Variants in DOK5 observed in about 807,000 individuals in gnomAD.
The protein encoded by DOK5 is docking protein 5.
DOK5 carries 27 observed loss-of-function variants against 43.3 expected under a neutral mutation model. That is an observed-to-expected ratio of 0.62 (90% CI 0.46 to 0.86). DOK5 has a LOEUF of 0.86. Ranked by LOEUF, DOK5 falls within the 40% of genes least tolerant of loss-of-function variation. The pLI is 0.00. For synonymous variants in DOK5, 146 were observed against 140.1 expected (o/e 1.04, Z -0.30); for missense variants, 373 against 392.9 (o/e 0.95, Z 0.43).
intron 6 of DOK5, among the ~76,000 whole-genome samples, chr20:54,639,399 C>G (rs910086462): frequency 2.0e-5 from 3 of 152,196 alleles, no homozygotes; most frequent in African/African-American, 7.2e-5. Flanking sequence ...TCCAGTCTAG[C>G]TGGGCTGTGC....
intron 1 of DOK5, among the ~76,000 whole-genome samples, chr20:54,506,136 T>A (rs6023319): frequency 0.033 from 4,995 of 151,580 alleles, 277 homozygotes; most frequent in African/African-American, 0.11. Context: ...AAACAGAGAG[T>A]TGAGAATTCC....
intron 1 of DOK5, among the ~76,000 whole-genome samples, chr20:54,543,325 T>TG (rs1466884323): frequency 5.4e-4 from 4 of 7,446 alleles, no homozygotes; most frequent in African/African-American, 2.4e-3. Context: ...TCGTGGACAG[T>TG]GGGGGGTGGG....
intron 1 of DOK5, among the ~76,000 whole-genome samples, chr20:54,486,575 A>G (rs566846044): frequency 1.3e-5 from 2 of 151,696 alleles, no homozygotes; most frequent in South Asian, 2.1e-4. Flanking sequence ...ACACATGCAC[A>G]CACACACACA....
chr20:54,506,756 T>G (rs548286431), intron 1 of DOK5, among the ~76,000 whole-genome samples: 2 of 152,340 alleles, frequency 1.3e-5, no homozygotes, highest in South Asian at 4.1e-4. Context: ...CCACTGCTCC[T>G]GGCTTGATAA....
At chr20:54,518,831 C>G (rs2146694461) in intron 1 of DOK5, among the ~76,000 whole-genome samples, 1 of 152,074 alleles carries the variant, frequency 6.6e-6, no homozygotes, top group East Asian at 1.9e-4. Flanking sequence ...TATCCAGAAT[C>G]TACAATGAAC....
At chr20:54,612,073 T>C (rs372119573) in intron 6 of DOK5, among the ~76,000 whole-genome samples, 1 of 152,258 alleles carries the variant, frequency 6.6e-6, no homozygotes, top group African/African-American at 2.4e-5. Flanking sequence ...TTAATGGACA[T>C]TGAGATACAA....
Position 54,650,475 on chromosome 20 carries a change from A to C in DOK5, c.917A>C (p.His306Pro), listed in dbSNP as rs745734024. 2 of 1,613,922 alleles carry C rather than the reference A, an allele frequency of 1.2e-6. No individual in the cohort carries two copies. The change falls in exon 8 of 8, where the codon CAC (histidine) becomes CCC (proline). Residue 306 changes from histidine (H) to proline (P), a missense_variant. Coordinates refer to ENST00000262593, the MANE Select transcript of DOK5 (RefSeq NM_018431.5). The part of the protein sequence containing the change: ...TETFPAYRSE[H>P] ...ACTTTTCCAGCCTACAGATCTGAGC[A>C]CTGACAGTAACTGCCAAGAATTGTT...
intron 1 of DOK5, among the ~76,000 whole-genome samples, chr20:54,541,662 C>A (rs1376107236): frequency 6.6e-6 from 1 of 152,078 alleles, no homozygotes; most frequent in Admixed American, 6.5e-5. Context: ...GTCTAGAACT[C>A]CTGACCTCAA....
intron 7 of DOK5, among the ~76,000 whole-genome samples, chr20:54,649,479 C>T (rs755813328): frequency 6.6e-6 from 1 of 152,180 alleles, no homozygotes; most frequent in Non-Finnish European, 1.5e-5. Context: ...GGCGGACATG[C>T]TCCACTGGCT....
intron 1 of DOK5, among the ~76,000 whole-genome samples, chr20:54,537,601 T>C (rs764429744): frequency 2.6e-5 from 4 of 152,016 alleles, no homozygotes; most frequent in African/African-American, 7.2e-5. Flanking sequence ...ACAGGCAAAA[T>C]AGACCGATAG....
chr20:54,630,110 G>T (rs1389609047), intron 6 of DOK5, among the ~76,000 whole-genome samples: 2 of 152,178 alleles, frequency 1.3e-5, no homozygotes, highest in Non-Finnish European at 2.9e-5. Flanking sequence ...GTTTGGAAAC[G>T]ACTGGGGGTG....
rs386394048 is a variant in DOK5, at chr20:54,646,248, G to GTTTTTTTTT, written c.856+2686_856+2694dup. Reference sequence around the variant, plus strand: ...TACTGTTATATCCACTGGTTATACTGTTTTTTTTTTTTTTTTTTTTTTTTG... The same window carrying GTTTTTTTTT: ...TACTGTTATATCCACTGGTTATACTGTTTTTTTTTTTTTTTTTTTTTTTTTTTTTTTTTG... On this transcript the variant is annotated intron_variant, in intron 7 of 7. Transcript: ENST00000262593. Among the ~76,000 whole-genome samples, 62 of 79,928 alleles carry GTTTTTTTTT rather than the reference G, an allele frequency of 7.8e-4. 6 individuals are homozygous for GTTTTTTTTT. Among genetic ancestry groups the GTTTTTTTTT allele is most frequent in the Admixed American group, 1.0e-3 (5 of 5,016 alleles). The allele number at this position is 79,928 out of a possible 152,430, so 52.4% of individuals were successfully genotyped here.
At chr20:54,527,604 T>A (rs1034494676) in intron 1 of DOK5, among the ~76,000 whole-genome samples, 9 of 152,150 alleles carry the variant, frequency 5.9e-5, no homozygotes, top group Non-Finnish European at 1.0e-4. Context: ...GTTGCTTCCT[T>A]AAGAATAAAG....
At chr20:54,616,935 G>A (rs941533312) in intron 6 of DOK5, among the ~76,000 whole-genome samples, 5 of 151,678 alleles carry the variant, frequency 3.3e-5, no homozygotes, top group African/African-American at 4.8e-5. Context: ...GACTACAGGC[G>A]CCTGCCACCA....
intron 2 of DOK5, among the ~76,000 whole-genome samples, chr20:54,584,125 C>T (rs1388668448): frequency 1.3e-5 from 2 of 151,926 alleles, no homozygotes; most frequent in African/African-American, 4.8e-5. Context: ...GCCTGGGTGA[C>T]AGAGTGAGCC....
chr20:54,550,280 T>C (rs983930487), intron 1 of DOK5, among the ~76,000 whole-genome samples: 1 of 152,204 alleles, frequency 6.6e-6, no homozygotes, highest in African/African-American at 2.4e-5. Context: ...CATCTTACTG[T>C]CTTTTTAAAA....
intron 1 of DOK5, among the ~76,000 whole-genome samples, chr20:54,491,674 A>AGGGT (rs1982183288): frequency 6.6e-6 from 1 of 152,198 alleles, no homozygotes; most frequent in South Asian, 2.1e-4. Flanking sequence ...CTGCACAGGA[A>AGGGT]GGGTGACTGT....
At chr20:54,529,945 G>C (rs766683996) in intron 1 of DOK5, among the ~76,000 whole-genome samples, 3 of 152,192 alleles carry the variant, frequency 2.0e-5, no homozygotes, top group African/African-American at 4.8e-5. Flanking sequence ...TGTGTGGATA[G>C]ACCACATTTT....
chr20:54,479,944 A>G (rs1361065678), intron 1 of DOK5, among the ~76,000 whole-genome samples: 1 of 151,954 alleles, frequency 6.6e-6, no homozygotes, highest in Non-Finnish European at 1.5e-5. Flanking sequence ...TGTATCTTTG[A>G]AATATATCTA....
Sources: gnomAD v4.1 joint callset for allele counts (sites outside exome capture counted in the v4.1 genomes callset) on GRCh38, gnomAD v4.1.1 for gene constraint, MANE v1.5 for transcripts, NCBI Gene and HGNC (gene_info 2026-07-23, HGNC 2026-07-21) for gene names.